TMEM117: variants seen among roughly 807,000 people sequenced by gnomAD.
TMEM117 encodes transmembrane protein 117.
Under a neutral mutation model 52.4 loss-of-function variants are expected in TMEM117, and 27 were observed. The ratio of observed to expected loss-of-function variants is 0.51; its 90% CI spans 0.38 to 0.71. TMEM117 has a LOEUF of 0.71. Ranked by LOEUF, TMEM117 falls within the 30% of genes least tolerant of loss-of-function variation. The pLI is 0.00. For missense variants in TMEM117, 556 were observed against 630.5 expected, an observed-to-expected ratio of 0.88 and a Z score of 1.26; for synonymous variants, 215 against 206.3, an observed-to-expected ratio of 1.04 and a Z score of -0.36.
chr12:44,067,302 C>G (rs913581059), intron 3 of TMEM117, among the ~76,000 whole-genome samples: 3 of 152,180 alleles, frequency 2.0e-5, no homozygotes, highest in African/African-American at 7.2e-5. Flanking sequence ...CCATGAATCA[C>G]AAATGTTCTT....
intron 5 of TMEM117, among the ~76,000 whole-genome samples, chr12:44,295,618 T>C (rs778608964): frequency 6.6e-6 from 1 of 152,150 alleles, no homozygotes; most frequent in Non-Finnish European, 1.5e-5. Flanking sequence ...AAATATGATA[T>C]TGTAGCTCTC....
At chr12:44,206,892 C>T (rs908265663) in intron 4 of TMEM117, among the ~76,000 whole-genome samples, 1 of 152,084 alleles carries the variant, frequency 6.6e-6, no homozygotes, top group Admixed American at 6.6e-5. Context: ...GTGATGAAAT[C>T]ACTTGTACAG....
chr12:43,991,719 A>C (rs1052373430), intron 3 of TMEM117, among the ~76,000 whole-genome samples: 1 of 152,194 alleles, frequency 6.6e-6, no homozygotes, highest in Non-Finnish European at 1.5e-5. Context: ...TGAGAGAGAG[A>C]GAGAGAGCAA....
At chr12:43,945,026 G>A (rs1006228435) in intron 3 of TMEM117, among the ~76,000 whole-genome samples, 39 of 151,962 alleles carry the variant, frequency 2.6e-4, no homozygotes, top group African/African-American at 8.5e-4. Context: ...CAGGAGAATT[G>A]CTTGAACCCA....
intron 2 of TMEM117, among the ~76,000 whole-genome samples, chr12:43,926,561 T>C (rs1397622331): frequency 6.6e-6 from 1 of 152,126 alleles, no homozygotes; most frequent in African/African-American, 2.4e-5. Context: ...GGAAGAAGAG[T>C]TTATGAAATA....
chr12:44,165,984 A>G (rs1948961975), intron 4 of TMEM117, among the ~76,000 whole-genome samples: 1 of 152,200 alleles, frequency 6.6e-6, no homozygotes, highest in Non-Finnish European at 1.5e-5. Flanking sequence ...CCACAAAACA[A>G]GTCTCAACAA....
At chr12:43,804,211 T>G in the TMEM117 span, 1 of 472,162 alleles carries the variant, frequency 2.1e-6, no homozygotes, top group South Asian at 1.6e-5. Flanking sequence ...ATGGAAGCAC[T>G]GACATTAGAA....
intron 6 of TMEM117, among the ~76,000 whole-genome samples, chr12:44,365,359 G>C (rs1242914376): frequency 3.3e-5 from 5 of 151,948 alleles, no homozygotes; most frequent in Non-Finnish European, 7.4e-5. Flanking sequence ...TTTCATTACA[G>C]ATATAATTTA....
intron 4 of TMEM117, among the ~76,000 whole-genome samples, chr12:44,160,562 G>A (rs918951801): frequency 6.6e-6 from 1 of 152,134 alleles, no homozygotes; most frequent in African/African-American, 2.4e-5. Context: ...TCATCACTTT[G>A]GGAGGCTGAG....
chr12:44,028,975 G>A (rs1946588648), intron 3 of TMEM117, among the ~76,000 whole-genome samples: 1 of 152,128 alleles, frequency 6.6e-6, no homozygotes, highest in Non-Finnish European at 1.5e-5. Context: ...TCTTTCTGGA[G>A]AACCCTGAAG....
intron 5 of TMEM117, among the ~76,000 whole-genome samples, chr12:44,262,743 C>T (rs1010702824): frequency 2.6e-5 from 4 of 152,170 alleles, no homozygotes; most frequent in Non-Finnish European, 5.9e-5. Flanking sequence ...CGTGCCACCA[C>T]GCCCGGCTAA....
At chr12:44,337,270 G>C (rs1326833135) in intron 6 of TMEM117, among the ~76,000 whole-genome samples, 1 of 151,976 alleles carries the variant, frequency 6.6e-6, no homozygotes, top group Non-Finnish European at 1.5e-5. Flanking sequence ...GAGCAAGAAG[G>C]CTGTATCCTC....
At chr12:43,953,831 C>G (rs188109711) in intron 3 of TMEM117, among the ~76,000 whole-genome samples, 27 of 152,274 alleles carry the variant, frequency 1.8e-4, no homozygotes, top group Admixed American at 2.6e-4. Flanking sequence ...ACTCTCCCCC[C>G]CAAAACAACA....
chr12:44,132,282 C>A (rs1477578518), intron 3 of TMEM117, among the ~76,000 whole-genome samples: 1 of 151,186 alleles, frequency 6.6e-6, no homozygotes, highest in African/African-American at 2.4e-5. Flanking sequence ...CGCACACACA[C>A]ACACCCTTTG....
At chr12:44,106,720 C>T (rs143144183) in intron 3 of TMEM117, among the ~76,000 whole-genome samples, 1,522 of 117,532 alleles carry the variant, frequency 0.013, 10 homozygotes, top group African/African-American at 0.021. Context: ...CAGAAAAATT[C>T]TTCTATAGAT....
At chr12:44,244,338 A>T (rs1950102035) in intron 5 of TMEM117, 1 of 151,902 alleles carries the variant, frequency 6.6e-6, no homozygotes, top group Non-Finnish European at 1.5e-5. Flanking sequence ...GTGATGTCTC[A>T]CTGCGGTTTT....
At chr12:44,383,679 T>TACCA (rs1952050725) in intron 7 of TMEM117, among the ~76,000 whole-genome samples, 1 of 152,188 alleles carries the variant, frequency 6.6e-6, no homozygotes, top group Non-Finnish European at 1.5e-5. Flanking sequence ...AATGCTGAAA[T>TACCA]ACCAACCCTC....
the TMEM117 span, among the ~76,000 whole-genome samples, chr12:43,821,343 T>C: frequency 5.9e-5 from 9 of 152,154 alleles, no homozygotes; most frequent in Non-Finnish European, 1.3e-4. Flanking sequence ...TGCAGTGGTG[T>C]GATCATAGCT....
chr12:43,897,819 C>T (rs1025744223), intron 2 of TMEM117, among the ~76,000 whole-genome samples: 1 of 152,004 alleles, frequency 6.6e-6, no homozygotes, highest in Non-Finnish European at 1.5e-5. Context: ...CCATGTTGGC[C>T]AGGCTGGTCT....
Sources: allele counts gnomAD v4.1 joint callset (sites outside exome capture counted in the v4.1 genomes callset), GRCh38; gene constraint gnomAD v4.1.1; transcripts MANE v1.5; gene names NCBI Gene and HGNC (gene_info 2026-07-23, HGNC 2026-07-21).